TMEM232: variants seen among roughly 807,000 people sequenced by gnomAD.
TMEM232 encodes transmembrane protein 232.
Under a neutral mutation model 78.8 loss-of-function variants are expected in TMEM232, and 80 were observed. The observed-to-expected ratio is 1.01, with a 90% CI of 0.85 to 1.22. The LOEUF (loss-of-function observed/expected upper bound fraction) is 1.22. Ranked by LOEUF, TMEM232 falls within the 50% of genes most tolerant of loss-of-function variation. The pLI, the probability that TMEM232 is intolerant of heterozygous loss-of-function variation, is 0.00. For missense variants in TMEM232, 881 were observed against 742.2 expected (o/e 1.19, Z -2.17); for synonymous variants, 297 against 254.3 (o/e 1.17, Z -1.60).
intron 12 of TMEM232, among the ~76,000 whole-genome samples, chr5:110,468,949 C>T (rs947005528): frequency 6.6e-6 from 1 of 152,062 alleles, no homozygotes; most frequent in Non-Finnish European, 1.5e-5. Context: ...AAGAAAATAC[C>T]TGGCCTTCAC....
chr5:110,627,937 A>C, intron 5 of TMEM232, 57 bp from the exon 6 acceptor site: 2 of 1,178,264 alleles, frequency 1.7e-6, no homozygotes, highest in Admixed American at 3.1e-5. Flanking sequence ...ATGTTTAAAA[A>C]CCATAAGAAA....
intron 10 of TMEM232, among the ~76,000 whole-genome samples, chr5:110,575,981 T>C (rs1777531627): frequency 6.6e-6 from 1 of 151,966 alleles, no homozygotes; most frequent in Non-Finnish European, 1.5e-5. Flanking sequence ...TAGGTCCCTG[T>C]ACATACTCCT....
At chr5:110,617,973 T>C (rs1161833006) in intron 8 of TMEM232, 1 of 170,726 alleles carries the variant, frequency 5.9e-6, no homozygotes, top group Non-Finnish European at 1.2e-5. Flanking sequence ...ACTGCAACAC[T>C]GCATTCCAGC....
In TMEM232 at chr5:110,587,691, A is replaced by ATATATG. The variant is rs1209205049; in HGVS notation, c.1276+17417_1276+17418insCATATA. On this transcript the variant is annotated intron_variant, in intron 10 of 13. Coordinates refer to ENST00000455884, the MANE Select transcript of TMEM232 (RefSeq NM_001039763.4). Reference sequence around the variant, plus strand: ...TATATATATATATATATATATATATATGTGTGTGTGTGTGTGTGTGTGTGT... The same window carrying ATATATG: ...TATATATATATATATATATATATATATATATGTGTGTGTGTGTGTGTGTGTGTGTGT... Among the ~76,000 whole-genome samples the ATATATG allele has an allele frequency of 6.1e-3, 387 of 63,082 alleles. 4 individuals are homozygous for ATATATG. The highest frequency in any genetic ancestry group is 8.7e-3 in the Non-Finnish European group (315 of 36,280). 41.4% of individuals were successfully genotyped at this position (63,082 alleles called of 152,430 possible).
chr5:110,690,723 C>A (rs1156262491), intron 1 of TMEM232, among the ~76,000 whole-genome samples: 2 of 152,054 alleles, frequency 1.3e-5, no homozygotes, highest in African/African-American at 4.8e-5. Flanking sequence ...TGGAACCAAC[C>A]CAAATACTCA....
At position 110,413,135 on chromosome 5, in the gene TMEM232, A is replaced by G. The variant is rs371248050; in HGVS notation, n.308+11688T>C. On this transcript the variant is annotated intron_variant and non_coding_transcript_variant, in intron 2 of 8. Coordinates refer to the TMEM232 transcript ENST00000507188. The stretch of plus-strand genomic sequence containing the variant: ...GACTGGGAAAGCAGACCCACCCTCA[A>G]TGTGGGTGGGCATAATCTAATCAGC... Among the ~76,000 whole-genome samples, 341 of 152,172 alleles carry G rather than the reference A, an allele frequency of 2.2e-3. 4 individuals are homozygous for G. Among genetic ancestry groups the G allele is most frequent in the African/African-American group, 7.6e-3 (314 of 41,500 alleles).
At chr5:110,647,419 C>G (rs1387714096) in intron 2 of TMEM232, among the ~76,000 whole-genome samples, 1 of 151,938 alleles carries the variant, frequency 6.6e-6, no homozygotes, top group Non-Finnish European at 1.5e-5. Flanking sequence ...TGGTTTATCA[C>G]TCACAACTGT....
intron 13 of TMEM232, 49 bp from the exon 14 acceptor site, chr5:110,420,805 C>T: frequency 6.7e-7 from 1 of 1,482,424 alleles, no homozygotes; most frequent in Non-Finnish European, 8.8e-7. Context: ...TGAAAAAATG[C>T]ATATCAGTTT....
At chr5:110,724,210 C>T (rs1318965017) in intron 1 of TMEM232, among the ~76,000 whole-genome samples, 2 of 152,158 alleles carry the variant, frequency 1.3e-5, no homozygotes, top group East Asian at 3.8e-4. Flanking sequence ...TCGATATTCA[C>T]ATCAGTCCTG....
intron 11 of TMEM232, among the ~76,000 whole-genome samples, chr5:110,548,934 T>C (rs1163926238): frequency 1.3e-5 from 2 of 151,934 alleles, no homozygotes; most frequent in African/African-American, 4.8e-5. Flanking sequence ...CATAATAAAA[T>C]TGAACTAAAA....
At chr5:110,501,249 C>T (rs1252592782) in intron 12 of TMEM232, among the ~76,000 whole-genome samples, 1 of 152,124 alleles carries the variant, frequency 6.6e-6, no homozygotes, top group African/African-American at 2.4e-5. Context: ...TGAAGAAGCA[C>T]TTGGGCTAAA....
chr5:110,641,102 A>G (rs1786632036), intron 3 of TMEM232, 106 bp from the exon 4 acceptor site: 1 of 664,206 alleles, frequency 1.5e-6, no homozygotes, highest in Non-Finnish European at 2.2e-6. Flanking sequence ...TATGAAGCTA[A>G]TGCTTGGTGG....
chr5:110,684,763 A>G (rs1051787539), intron 1 of TMEM232: 1 of 152,098 alleles, frequency 6.6e-6, no homozygotes, highest in African/African-American at 2.4e-5. Flanking sequence ...TCCCAAACAC[A>G]CAAGAACAAT....
chr5:110,507,794 C>A (rs1207760861), intron 12 of TMEM232, among the ~76,000 whole-genome samples: 2 of 152,162 alleles, frequency 1.3e-5, no homozygotes, highest in Non-Finnish European at 2.9e-5. Context: ...ATGAGTATGT[C>A]AGATTTCTAT....
chr5:110,517,139 T>C (rs554055761), intron 12 of TMEM232, among the ~76,000 whole-genome samples: 6 of 152,336 alleles, frequency 3.9e-5, no homozygotes, highest in African/African-American at 1.4e-4. Context: ...GATGTGGTAC[T>C]ATGAATAAAG....
chr5:110,626,121 A>C (rs1784393795), intron 6 of TMEM232, among the ~76,000 whole-genome samples: 1 of 151,968 alleles, frequency 6.6e-6, no homozygotes, highest in East Asian at 1.9e-4. Flanking sequence ...GCTGCAACCT[A>C]AGGCTCTATT....
intron 11 of TMEM232, among the ~76,000 whole-genome samples, chr5:110,556,677 CTTG>C (rs1196147718): frequency 6.6e-6 from 1 of 152,094 alleles, no homozygotes; most frequent in African/African-American, 2.4e-5. Flanking sequence ...CCGACAGAAT[CTTG>C]TTTCTTTTAG....
intron 12 of TMEM232, among the ~76,000 whole-genome samples, chr5:110,492,134 C>A (rs949648483): frequency 6.6e-6 from 1 of 151,726 alleles, no homozygotes; most frequent in African/African-American, 2.4e-5. Context: ...AGCACACCAA[C>A]ATGGCACATG....
intron 11 of TMEM232, among the ~76,000 whole-genome samples, chr5:110,557,701 G>C (rs776338778): frequency 4.6e-5 from 7 of 152,102 alleles, no homozygotes; most frequent in African/African-American, 1.4e-4. Context: ...ACCAGATCTT[G>C]TAAGAACTCT....
Sources: gnomAD v4.1 joint callset for allele counts (sites outside exome capture counted in the v4.1 genomes callset) on GRCh38, gnomAD v4.1.1 for gene constraint, MANE v1.5 for transcripts, NCBI Gene and HGNC (gene_info 2026-07-23, HGNC 2026-07-21) for gene names.